The following SULT1C4 variants were observed in gnomAD, a reference collection of about 807,000 sequenced individuals.
SULT1C4 encodes sulfotransferase family 1C member 4.
A neutral mutation model predicts 34.8 loss-of-function variants in SULT1C4; 32 were observed. The ratio of observed to expected loss-of-function variants is 0.92; its 90% CI spans 0.69 to 1.23. The LOEUF is 1.23. SULT1C4 is among the 50% of genes most tolerant of loss of function. The pLI, the probability that SULT1C4 is intolerant of heterozygous loss-of-function variation, is 0.00. For synonymous variants in SULT1C4, 111 were observed against 120.5 expected (o/e 0.92, Z 0.51); for missense variants, 375 against 365.9 (o/e 1.02, Z -0.20).
At position 108,381,762 on chromosome 2, in the gene SULT1C4, GAAC is replaced by G. The variant is rs759099316; in HGVS notation, c.175_177del (p.Thr59del). ...CATCTTCATTTTACGTGCACGTAAG[GAAC>G]AACATGGACTCAGGAGATAGTGGAA... On this transcript the variant is annotated inframe_deletion and splice_region_variant, in exon 2 of 7. Coordinates refer to ENST00000272452, the MANE Select transcript of SULT1C4 (RefSeq NM_006588.4). 7 of 1,390,618 alleles carry G rather than the reference GAAC, an allele frequency of 5.0e-6. No individual in the cohort carries two copies. The East Asian group carries it at 8.1e-5, about 16-fold the overall frequency. The allele number at this position is 1,390,618 out of a possible 1,614,324, so 86.1% of individuals were successfully genotyped here.
chr2:108,382,021 G>C (rs771830382), intron 2 of SULT1C4, 134 bp downstream of exon 2: 1 of 1,032,172 alleles, frequency 9.7e-7, no homozygotes, highest in Non-Finnish European at 1.3e-6. Context: ...TTTTAACTGT[G>C]TCTGGCCATT....
Position 108,378,315 on chromosome 2 carries a change from G to A in SULT1C4, c.-23G>A, listed in dbSNP as rs1678296923. 2.5e-6 allele frequency: 4 copies of A among 1,606,816 alleles called. No individual in the cohort carries two copies. In the South Asian group the frequency reaches 3.3e-5, roughly 13 times the overall value. On this transcript the variant is annotated 5_prime_UTR_variant, in exon 1 of 7. Coordinates refer to ENST00000272452, the MANE Select transcript of SULT1C4 (RefSeq NM_006588.4). The stretch of plus-strand genomic sequence containing the variant: ...ACTGAAGATAACTTTGTGTCTGGAA[G>A]AGCCCTCTGATTTCTTACACTAATG...
rs905144145 is a variant in SULT1C4 at position 108,388,230 on chromosome 2, G to C, written c.*798G>C. 6.6e-6 allele frequency among the ~76,000 whole-genome samples: 1 copy of C among 151,882 alleles called. No individual in the cohort carries two copies. Among genetic ancestry groups the C allele is most frequent in the Non-Finnish European group, 1.5e-5 (1 of 67,992 alleles). ...TGGAACCCTCCAAGAAAAACTTCAGGGTCCTAGTGTAATACATCTGTCCCC... is the reference window on the plus strand; with the variant it reads ...TGGAACCCTCCAAGAAAAACTTCAGCGTCCTAGTGTAATACATCTGTCCCC... On this transcript the variant is annotated 3_prime_UTR_variant, in exon 7 of 7. Transcript: ENST00000272452.
chr2:108,387,681 A>G lies in SULT1C4; in HGVS notation c.*249A>G. The G allele has an allele frequency of 2.5e-6, 1 of 392,290 alleles. No homozygotes were observed. The highest frequency in any genetic ancestry group is 4.5e-6 in the Non-Finnish European group (1 of 220,896). 24.3% of individuals were successfully genotyped at this position (392,290 alleles called of 1,614,324 possible). ...AGGTACAATCCTGGTATCATTGCCA[A>G]TTATCATCATATTTACATTTTCTAC... On this transcript the variant is annotated 3_prime_UTR_variant, in exon 7 of 7. Coordinates refer to ENST00000272452, the MANE Select transcript of SULT1C4 (RefSeq NM_006588.4).
intron 1 of SULT1C4, among the ~76,000 whole-genome samples, chr2:108,380,039 A>G (rs1022720188): frequency 6.6e-6 from 1 of 152,250 alleles, no homozygotes; most frequent in Non-Finnish European, 1.5e-5. Flanking sequence ...TCCTGTAATA[A>G]AAGTTGCTGC....
chr2:108,383,211 C>G lies in SULT1C4; in HGVS notation c.512C>G (p.Ala171Gly). The G allele has an allele frequency of 6.2e-7, 1 of 1,608,990 alleles. No individual in the cohort carries two copies. Among genetic ancestry groups the G allele is most frequent in the Non-Finnish European group, 8.5e-7 (1 of 1,178,882 alleles). The change falls in exon 4 of 7, where the codon GCT becomes GGT. Residue 171 changes from alanine (A) to glycine (G), a missense_variant. Physicochemically the swap from Ala to Gly is moderately conservative, Grantham distance 60. Coordinates refer to ENST00000272452, the MANE Select transcript of SULT1C4 (RefSeq NM_006588.4). ...TWEEYFETFLAGKVCWGSWHE... is the reference protein window; with the variant it reads ...TWEEYFETFLGGKVCWGSWHE... ...GAAGAGTATTTTGAGACTTTTCTGGCTGGGAAAGGTGAGAGAATTTAGCTT... is the reference window on the plus strand; with the variant it reads ...GAAGAGTATTTTGAGACTTTTCTGGGTGGGAAAGGTGAGAGAATTTAGCTT...
Position 108,386,371 on chromosome 2 carries a change from A to G in SULT1C4, c.795A>G (p.Lys265=), listed in dbSNP as rs763503044. 9.5e-5 allele frequency: 137 copies of G among 1,445,720 alleles called. No individual in the cohort carries two copies. The highest frequency in any genetic ancestry group is 1.2e-4 in the Non-Finnish European group (134 of 1,092,120). The allele number at this position is 1,445,720 out of a possible 1,614,324, so 89.6% of individuals were successfully genotyped here. A position where few individuals can be genotyped will look rare whatever the true frequency, so the allele number is the denominator to read the frequency against. The part of the protein sequence containing the change: ...MDHSISPFMR[K]GAVGDWKKHF... Reference sequence around the variant, plus strand: ...ACTCCATTTCTCCATTCATGAGAAAAGGTTTTTATAGTTTATTTTCATTAT... The same window carrying G: ...ACTCCATTTCTCCATTCATGAGAAAGGGTTTTTATAGTTTATTTTCATTAT... The change falls in exon 6 of 7, where the codon AAA becomes AAG. Residue 265 remains lysine (K), a splice_region_variant and synonymous_variant. Coordinates refer to ENST00000272452, the MANE Select transcript of SULT1C4 (RefSeq NM_006588.4).
chr2:108,383,844 T>G (rs1358583191), intron 5 of SULT1C4, among the ~76,000 whole-genome samples: 1 of 150,346 alleles, frequency 6.7e-6, no homozygotes, highest in Non-Finnish European at 1.5e-5. Context: ...TTGGTTTCTT[T>G]GGTTTTTGGG....
intron 1 of SULT1C4, among the ~76,000 whole-genome samples, chr2:108,379,196 C>T (rs577238256): frequency 1.3e-5 from 2 of 152,246 alleles, no homozygotes; most frequent in African/African-American, 2.4e-5. Context: ...TATACATTTG[C>T]TCTTTGCAAA....
At chr2:108,386,132 T>A in intron 5 of SULT1C4, 60 bp from the exon 6 acceptor site, 1 of 1,272,788 alleles carries the variant, frequency 7.9e-7, no homozygotes, top group South Asian at 2.6e-5. Flanking sequence ...TAATCCATCA[T>A]AATATTCTTT....
Position 108,386,230 on chromosome 2 carries a change from T to C in SULT1C4, c.654T>C (p.Ile218=). 1 of 1,546,076 alleles carries C rather than the reference T, an allele frequency of 6.5e-7. No homozygotes were observed. Among genetic ancestry groups the C allele is most frequent in the Non-Finnish European group, 8.7e-7 (1 of 1,144,280 alleles). The change falls in exon 6 of 7, where the codon ATT becomes ATC. Residue 218 remains isoleucine (I), a synonymous_variant. Coordinates refer to ENST00000272452, the MANE Select transcript of SULT1C4 (RefSeq NM_006588.4). ...AAATTCAGAAGCTGGCAGAATTTAT[T>C]GGGAAGAAATTAGATGACAAAGTTC... ...KHEIQKLAEF[I]GKKLDDKVLD...
At chr2:108,382,971 A>T in intron 3 of SULT1C4, 122 bp from the exon 4 acceptor site, 1 of 1,055,582 alleles carries the variant, frequency 9.5e-7, no homozygotes, top group Non-Finnish European at 1.3e-6. Flanking sequence ...AGCCTCAGAA[A>T]AAATGAACTG....
chr2:108,386,530 C>T (rs916230272), intron 6 of SULT1C4, among the ~76,000 whole-genome samples, 158 bp downstream of exon 6: 15 of 152,236 alleles, frequency 9.9e-5, no homozygotes, highest in African/African-American at 2.2e-4. Context: ...ATGAAAATCG[C>T]GTTTAATTAG....
At chr2:108,383,544 G>A (rs1221199089) in intron 5 of SULT1C4, 34 bp downstream of exon 5, 11 of 1,585,314 alleles carry the variant, frequency 6.9e-6, no homozygotes, top group Non-Finnish European at 8.6e-6. Flanking sequence ...GTACCCACTG[G>A]ACCATAAAAC....
At position 108,388,437 on chromosome 2, in the gene SULT1C4, T is replaced by C. The variant is rs1042667540; in HGVS notation, c.*1005T>C. ...AAAATATTTCCGTCTAACCATTCCT[T>C]GTTTTCCTTCTATTTCTATAGCCAC... On this transcript the variant is annotated 3_prime_UTR_variant, in exon 7 of 7. Coordinates refer to ENST00000272452, the MANE Select transcript of SULT1C4 (RefSeq NM_006588.4). Among the ~76,000 whole-genome samples the C allele has an allele frequency of 7.9e-5, 12 of 152,212 alleles. No homozygotes were observed. The highest frequency in any genetic ancestry group is 2.9e-4 in the African/African-American group (12 of 41,456).
rs958454389 is a variant in SULT1C4 at position 108,378,275 on chromosome 2, C to T, written c.-63C>T. ...GATAGAGTGCTGCCTCTATCCACAACGCAGCCATATGCTGACTGAAGATAA... is the reference window on the plus strand; with the variant it reads ...GATAGAGTGCTGCCTCTATCCACAATGCAGCCATATGCTGACTGAAGATAA... On this transcript the variant is annotated 5_prime_UTR_variant, in exon 1 of 7. The change creates a new upstream start codon in the 5' untranslated region. Coordinates refer to ENST00000272452, the MANE Select transcript of SULT1C4 (RefSeq NM_006588.4). 3.6e-5 allele frequency: 55 copies of T among 1,507,996 alleles called. No individual in the cohort carries two copies. The highest frequency in any genetic ancestry group is 1.6e-4 in the Admixed American group (9 of 57,026). The allele number at this position is 1,507,996 out of a possible 1,614,324, so 93.4% of individuals were successfully genotyped here.
chr2:108,378,014 G>A lies in SULT1C4; in HGVS notation c.-324G>A. Reference sequence around the variant, plus strand: ...CCCTGGAACCTGAGTCGGGAGACCTGCAGCTCACTTTCTCCCTGTTTGCTG... The same window carrying A: ...CCCTGGAACCTGAGTCGGGAGACCTACAGCTCACTTTCTCCCTGTTTGCTG... On this transcript the variant is annotated 5_prime_UTR_variant, in exon 1 of 7. Transcript: ENST00000272452. 1 of 177,098 alleles carries A rather than the reference G, an allele frequency of 5.6e-6. No homozygotes were observed. Among genetic ancestry groups the A allele is most frequent in the Non-Finnish European group, 1.2e-5 (1 of 84,620 alleles). 11.0% of individuals were successfully genotyped at this position (177,098 alleles called of 1,614,324 possible).
chr2:108,386,940 A>T (rs1415388707), intron 6 of SULT1C4, among the ~76,000 whole-genome samples: 2 of 152,214 alleles, frequency 1.3e-5, no homozygotes, highest in African/African-American at 4.8e-5. Context: ...TTCAAATGGT[A>T]CCTTGGGCCT....
Position 108,378,236 on chromosome 2 carries a change from G to A in SULT1C4, c.-102G>A, listed in dbSNP as rs1156747338. The A allele has an allele frequency of 4.6e-5, 53 of 1,160,344 alleles. No homozygotes were observed. The highest frequency in any genetic ancestry group is 6.3e-5 in the Non-Finnish European group (51 of 806,160). 71.9% of individuals were successfully genotyped at this position (1,160,344 alleles called of 1,614,324 possible). A position where few individuals can be genotyped will look rare whatever the true frequency, so the allele number is the denominator to read the frequency against. On this transcript the variant is annotated 5_prime_UTR_variant, in exon 1 of 7. The change creates a new upstream start codon in the 5' untranslated region. Coordinates refer to ENST00000272452, the MANE Select transcript of SULT1C4 (RefSeq NM_006588.4). ...GGCCTGTGCTAGAGGGCTGGATAGT[G>A]TGGTAGTGTGGTGGATAGAGTGCTG...
Sources: allele counts gnomAD v4.1 joint callset (sites outside exome capture counted in the v4.1 genomes callset), GRCh38; gene constraint gnomAD v4.1.1; transcripts MANE v1.5; gene names NCBI Gene and HGNC (gene_info 2026-07-23, HGNC 2026-07-21).